The following RHBDD1 variants were observed in gnomAD, a reference collection of about 807,000 sequenced individuals.
RHBDD1 encodes rhomboid-related protein 4.
RHBDD1 carries 38 observed loss-of-function variants against 36.3 expected under a neutral mutation model. The ratio of observed to expected loss-of-function variants is 1.05; its 90% CI spans 0.81 to 1.37. RHBDD1 has a LOEUF of 1.37. Among genes scored for constraint, RHBDD1 ranks in the 40% most tolerant of loss-of-function variants. The probability of loss-of-function intolerance (pLI) is 0.00; values close to 1 mark genes in which losing one functional copy is unlikely to be tolerated. For missense variants in RHBDD1, 393 were observed against 377.6 expected (o/e 1.04, Z -0.34); for synonymous variants, 151 against 136.5 (o/e 1.11, Z -0.74).
chr2:226,982,014 A>G (rs1401025202), intron 8 of RHBDD1, among the ~76,000 whole-genome samples: 1 of 152,240 alleles, frequency 6.6e-6, no homozygotes, highest in Admixed American at 6.5e-5. Context: ...CTGCCTCTCA[A>G]AATTCATGGC....
the RHBDD1 span, among the ~76,000 whole-genome samples, chr2:226,802,356 C>T: frequency 6.6e-6 from 1 of 152,078 alleles, no homozygotes; most frequent in Non-Finnish European, 1.5e-5. Flanking sequence ...ATATTAGTGC[C>T]ATTTTTTCTA....
At chr2:226,988,744 C>T (rs1024735920) in intron 8 of RHBDD1, 6 of 908,858 alleles carry the variant, frequency 6.6e-6, no homozygotes, top group African/African-American at 1.8e-5. Flanking sequence ...AGAGATAGAA[C>T]GAGCATAGAG....
chr2:226,869,165 A>G, intron 5 of RHBDD1: 20 of 985,226 alleles, frequency 2.0e-5, no homozygotes, highest in Non-Finnish European at 2.3e-5. Context: ...TTACATGGAA[A>G]AGGGATGGTT....
intron 8 of RHBDD1, among the ~76,000 whole-genome samples, chr2:226,982,498 A>G (rs1174099435): frequency 6.6e-6 from 1 of 152,250 alleles, no homozygotes; most frequent in Non-Finnish European, 1.5e-5. Context: ...GACAGCATTC[A>G]GCATCAATAG....
chr2:226,839,867 T>C (rs1450568113), intron 3 of RHBDD1, among the ~76,000 whole-genome samples: 4 of 152,198 alleles, frequency 2.6e-5, no homozygotes, highest in Admixed American at 6.5e-5. Flanking sequence ...TTTAACTGAC[T>C]GTTGTTTAGG....
intron 8 of RHBDD1, among the ~76,000 whole-genome samples, chr2:226,982,957 T>C (rs1294966200): frequency 6.6e-6 from 1 of 152,196 alleles, no homozygotes; most frequent in African/African-American, 2.4e-5. Context: ...ACTTTTATCT[T>C]TTAAAATCTA....
At chr2:226,921,520 A>C (rs180859901) in intron 8 of RHBDD1, among the ~76,000 whole-genome samples, 1 of 152,114 alleles carries the variant, frequency 6.6e-6, no homozygotes, top group African/African-American at 2.4e-5. Flanking sequence ...CATAGGTTTC[A>C]GAATGTTGTG....
At chr2:226,830,951 G>C (rs1438091114), upstream of RHBDD1, among the ~76,000 whole-genome samples, 1 of 152,212 alleles carries the variant, frequency 6.6e-6, no homozygotes, top group Non-Finnish European at 1.5e-5. Context: ...TTACGGGTGT[G>C]AGCCACTGCA....
chr2:226,983,692 G>C (rs1447418800), intron 8 of RHBDD1, among the ~76,000 whole-genome samples: 1 of 152,104 alleles, frequency 6.6e-6, no homozygotes, highest in Non-Finnish European at 1.5e-5. Context: ...AAAGGTTAAG[G>C]AGTGTTTTAA....
intron 5 of RHBDD1, among the ~76,000 whole-genome samples, chr2:226,896,785 C>T (rs1462700797): frequency 6.6e-6 from 1 of 152,046 alleles, no homozygotes; most frequent in Non-Finnish European, 1.5e-5. Flanking sequence ...GCCCATATTT[C>T]TTGCTTACTA....
At chr2:226,942,274 T>C (rs1950713692) in intron 8 of RHBDD1, among the ~76,000 whole-genome samples, 1 of 151,428 alleles carries the variant, frequency 6.6e-6, no homozygotes, top group African/African-American at 2.4e-5. Flanking sequence ...AGTCTCGTTC[T>C]GTCACCCAGG....
chr2:226,913,042 A>G (rs919383120), intron 7 of RHBDD1, among the ~76,000 whole-genome samples: 1 of 152,204 alleles, frequency 6.6e-6, no homozygotes, highest in Non-Finnish European at 1.5e-5. Context: ...TTCATAAAGA[A>G]TACAACAGTA....
intron 8 of RHBDD1, 126 bp downstream of exon 8, chr2:226,914,477 GT>G: frequency 9.4e-7 from 1 of 1,059,214 alleles, no homozygotes; most frequent in South Asian, 1.8e-5. Context: ...GATGAAAACT[GT>G]GTGCAGATTG....
rs577736681 is a variant in RHBDD1, at chr2:226,992,155, A to G, written c.857-3276A>G. ...AAGTGGAAACTATAGAAACAATTTG[A>G]CACATGAATGCAAAGGTGGGGAAGT... On this transcript the variant is annotated intron_variant, in intron 8 of 8. Transcript: ENST00000392062. 3.9e-5 allele frequency among the ~76,000 whole-genome samples: 6 copies of G among 152,300 alleles called. No individual in the cohort carries two copies. In the South Asian group the frequency reaches 1.2e-3, roughly 32 times the overall value.
the RHBDD1 span, among the ~76,000 whole-genome samples, chr2:226,810,683 GGAA>G: frequency 6.6e-6 from 1 of 151,818 alleles, no homozygotes; most frequent in African/African-American, 2.4e-5. Flanking sequence ...CTAAGGAGGG[GGAA>G]GAAGAAGAGG....
rs189871446 is a variant in RHBDD1 at position 226,851,369 on chromosome 2, C to T, written c.-91+11742C>T. On this transcript the variant is annotated intron_variant, in intron 3 of 8. Transcript: ENST00000392062. ...GACTAGAATTAGAGTTCCTGAGCTCCGTGTGCAGCAGAGCAACTTGATGAT... is the reference window on the plus strand; with the variant it reads ...GACTAGAATTAGAGTTCCTGAGCTCTGTGTGCAGCAGAGCAACTTGATGAT... Among the ~76,000 whole-genome samples the T allele has an allele frequency of 3.7e-4, 56 of 151,964 alleles. No individual in the cohort carries two copies. In the East Asian group the frequency reaches 9.7e-3, roughly 26 times the overall value.
At chr2:226,860,549 A>G (rs1403857457) in intron 3 of RHBDD1, among the ~76,000 whole-genome samples, 2 of 152,128 alleles carry the variant, frequency 1.3e-5, no homozygotes, top group Non-Finnish European at 2.9e-5. Context: ...CCTGGCCCAC[A>G]GCGTCAGGTT....
At chr2:226,829,215 T>G in the RHBDD1 span, among the ~76,000 whole-genome samples, 1 of 152,208 alleles carries the variant, frequency 6.6e-6, no homozygotes. Flanking sequence ...TTCAGTTCTA[T>G]TCTGTTGATC....
intron 5 of RHBDD1, chr2:226,869,265 A>G: frequency 1.2e-6 from 1 of 807,696 alleles, no homozygotes; most frequent in Non-Finnish European, 1.5e-6. Flanking sequence ...TTGAACTTAA[A>G]GTCTTTTGAT....
Sources: gnomAD v4.1 joint callset for allele counts (sites outside exome capture counted in the v4.1 genomes callset) on GRCh38, gnomAD v4.1.1 for gene constraint, MANE v1.5 for transcripts, NCBI Gene and HGNC (gene_info 2026-07-23, HGNC 2026-07-21) for gene names.